The following ENTPD4 variants were observed in gnomAD, a reference collection of about 807,000 sequenced individuals.
ENTPD4 encodes ectonucleoside triphosphate diphosphohydrolase 4.
In ENTPD4, 60 loss-of-function variants were observed where a neutral mutation model predicts 79.1. The observed-to-expected ratio is 0.76, with a 90% CI of 0.62 to 0.94. ENTPD4 has a LOEUF of 0.94. Ranked by LOEUF, ENTPD4 falls within the 40% of genes least tolerant of loss-of-function variation. ENTPD4 has a pLI of 0.00. For synonymous variants in ENTPD4, 276 were observed against 292.0 expected, an observed-to-expected ratio of 0.95 and a Z score of 0.56; for missense variants, 772 against 775.1, an observed-to-expected ratio of 1.00 and a Z score of 0.05.
intron 1 of ENTPD4, among the ~76,000 whole-genome samples, chr8:23,452,112 G>C (rs574489859): frequency 1.3e-5 from 2 of 152,204 alleles, no homozygotes; most frequent in African/African-American, 4.8e-5. Context: ...GGAGAGGTGG[G>C]ATGCAAGTGT....
intron 3 of ENTPD4, among the ~76,000 whole-genome samples, 173 bp downstream of exon 3, chr8:23,448,569 A>C (rs1800802701): frequency 6.6e-6 from 1 of 152,186 alleles, no homozygotes; most frequent in African/African-American, 2.4e-5. Context: ...CCCTCACCAC[A>C]CACAAAACCT....
intron 1 of ENTPD4, among the ~76,000 whole-genome samples, chr8:23,453,713 G>T (rs900951598): frequency 6.6e-6 from 1 of 152,140 alleles, no homozygotes; most frequent in South Asian, 2.1e-4. Context: ...AACCTTCTGG[G>T]GGTACTGGGG....
intron 12 of ENTPD4, 72 bp downstream of exon 12, chr8:23,434,245 A>G: frequency 6.4e-7 from 1 of 1,574,688 alleles, no homozygotes; most frequent in Non-Finnish European, 8.7e-7. Flanking sequence ...GCCACAGACC[A>G]CAGCTGCCAT....
intron 11 of ENTPD4, 99 bp from the exon 12 acceptor site, chr8:23,434,577 T>C (rs1298046353): frequency 1.3e-6 from 2 of 1,545,334 alleles, no homozygotes; most frequent in East Asian, 4.6e-5. Flanking sequence ...TGGGCAGCCT[T>C]GGGGCAGGGG....
At chr8:23,449,837 C>G in intron 2 of ENTPD4, 56 bp downstream of exon 2, 1 of 1,437,152 alleles carries the variant, frequency 7.0e-7, no homozygotes, top group Non-Finnish European at 9.8e-7. Flanking sequence ...TCTCTCAAGA[C>G]CTGTTTTTGC....
intron 9 of ENTPD4, among the ~76,000 whole-genome samples, chr8:23,438,331 G>A (rs370181797): frequency 1.3e-5 from 2 of 152,344 alleles, no homozygotes; most frequent in East Asian, 3.9e-4. Context: ...CTCACAAGTT[G>A]TGTATTCCTC....
At chr8:23,450,843 A>C (rs1800846763) in intron 1 of ENTPD4, among the ~76,000 whole-genome samples, 1 of 152,086 alleles carries the variant, frequency 6.6e-6, no homozygotes, top group Non-Finnish European at 1.5e-5. Flanking sequence ...GTTGCACAGA[A>C]CCATGAGAAA....
At chr8:23,457,101 C>T (rs1333875943) in intron 1 of ENTPD4, among the ~76,000 whole-genome samples, 1 of 152,208 alleles carries the variant, frequency 6.6e-6, no homozygotes, top group Non-Finnish European at 1.5e-5. Context: ...CAATAAGCTC[C>T]ATTTTTCCAA....
At chr8:23,456,587 T>A (rs190020663) in intron 1 of ENTPD4, among the ~76,000 whole-genome samples, 1 of 152,346 alleles carries the variant, frequency 6.6e-6, no homozygotes, top group Admixed American at 6.5e-5. Flanking sequence ...AGATTCAACA[T>A]GCAACAACTA....
Position 23,447,883 on chromosome 8 carries a change from T to A in ENTPD4, c.209A>T (p.Tyr70Phe), listed in dbSNP as rs1463672569. Reference protein sequence around the residue: ...RLTRDKKFQRYLARVTDIEAT... With the variant: ...RLTRDKKFQRFLARVTDIEAT... ...TTCAATGTCGGTAACTCGTGCCAGGTACCTTGTATAGAAACACACGTATGC... is the reference window on the plus strand; with the variant it reads ...TTCAATGTCGGTAACTCGTGCCAGGAACCTTGTATAGAAACACACGTATGC... Residue 70 changes from tyrosine (Y) to phenylalanine (F), a missense_variant and splice_region_variant, in exon 4 of 13, where the codon TAC (tyrosine) becomes TTC (phenylalanine). By Grantham distance (22) the Tyr-to-Phe change is conservative (BLOSUM62 3). Transcript: ENST00000358689. The A allele has an allele frequency of 1.2e-6, 2 of 1,613,702 alleles. No individual in the cohort carries two copies. Among genetic ancestry groups the A allele is most frequent in the Admixed American group, 3.3e-5 (2 of 60,030 alleles).
intron 10 of ENTPD4, among the ~76,000 whole-genome samples, chr8:23,435,993 G>A (rs1328139524): frequency 6.6e-6 from 1 of 152,116 alleles, no homozygotes; most frequent in African/African-American, 2.4e-5. Context: ...TTAACTCCTC[G>A]AGGTGGCTAC....
chr8:23,436,741 G>A (rs1275894784), intron 10 of ENTPD4, among the ~76,000 whole-genome samples, 193 bp downstream of exon 10: 1 of 152,146 alleles, frequency 6.6e-6, no homozygotes, highest in Non-Finnish European at 1.5e-5. Flanking sequence ...AGAAGTCAGC[G>A]TACAGTACAT....
At chr8:23,450,941 C>T (rs780494496) in intron 1 of ENTPD4, among the ~76,000 whole-genome samples, 1 of 152,180 alleles carries the variant, frequency 6.6e-6, no homozygotes, top group African/African-American at 2.4e-5. Context: ...CTTGATCCCA[C>T]CAAGCTACAC....
chr8:23,448,904 T>G lies in ENTPD4; in HGVS notation c.44A>C (p.His15Pro), dbSNP rs1459495218. ...GISCLFPASWHFSISPVGCPR... is the reference protein window; with the variant it reads ...GISCLFPASWPFSISPVGCPR... ...ACACCCTACTGGAGATATGCTAAAA[T>G]GCCAAGAAGCAGGAAAAAGACAGGA... Residue 15 changes from histidine (H) to proline (P), a missense_variant, in exon 3 of 13, where the codon CAT (histidine) becomes CCT (proline). His to Pro is a moderately conservative substitution (Grantham distance 77). Transcript: ENST00000358689. The G allele has an allele frequency of 1.2e-6, 2 of 1,613,918 alleles. No homozygotes were observed. Among genetic ancestry groups the G allele is most frequent in the East Asian group, 4.5e-5 (2 of 44,886 alleles).
rs757677543 is a variant in ENTPD4, at chr8:23,444,517, T to C, written c.502A>G (p.Lys168Glu). The C allele has an allele frequency of 2.5e-6, 4 of 1,614,220 alleles. No individual in the cohort carries two copies. In the South Asian group the frequency reaches 3.3e-5, roughly 13 times the overall value. ...NFAAEHVPRA[K>E]HKETPLYILC... ...ATGTAGAGAGGTGTCTCTTTGTGTTTTGCCCGTGGCACATGCTCTGCAGCA... is the reference window on the plus strand; with the variant it reads ...ATGTAGAGAGGTGTCTCTTTGTGTTCTGCCCGTGGCACATGCTCTGCAGCA... The change falls in exon 5 of 13, where the codon AAA becomes GAA. Residue 168 changes from lysine to glutamate, a missense_variant. Lys to Glu is a moderately conservative substitution (Grantham distance 56). Transcript: ENST00000358689.
At chr8:23,448,616 C>G in intron 3 of ENTPD4, 126 bp downstream of exon 3, 1 of 740,774 alleles carries the variant, frequency 1.3e-6, no homozygotes, top group East Asian at 2.7e-5. Context: ...ACCTCTAGAA[C>G]AGTTAGAAAC....
At chr8:23,444,655 C>T (rs750779741) in intron 4 of ENTPD4, 49 bp from the exon 5 acceptor site, 2 of 1,545,470 alleles carry the variant, frequency 1.3e-6, no homozygotes, top group East Asian at 4.5e-5. Flanking sequence ...TTAGCTATAA[C>T]ATGTGATGTT....
rs1365250364 is a variant in ENTPD4, at chr8:23,432,281, T to C, written c.*645A>G. 1 of 985,314 alleles carries C rather than the reference T, an allele frequency of 1.0e-6. No individual in the cohort carries two copies. Among genetic ancestry groups the C allele is most frequent in the African/African-American group, 1.7e-5 (1 of 57,326 alleles). 61.0% of individuals were successfully genotyped at this position (985,314 alleles called of 1,614,324 possible). ...ATGAAAGCATCACTATTCAGTCCCC[T>C]CTCCACTGACAGAATGCATCTTTCC... On this transcript the variant is annotated 3_prime_UTR_variant, in exon 13 of 13. Coordinates refer to ENST00000358689, the MANE Select transcript of ENTPD4 (RefSeq NM_004901.5).
rs1409133989 is a variant in ENTPD4 at position 23,433,072 on chromosome 8, C to T, written c.1705G>A (p.Gly569Ser). ...GCCAGCAGCACCACCAGGAAGCAGCCAGAGAACAGGTAGTGGTTGTAGACA... is the reference window on the plus strand; with the variant it reads ...GCCAGCAGCACCACCAGGAAGCAGCTAGAGAACAGGTAGTGGTTGTAGACA... ...SFVYNHYLFS[G>S]CFLVVLLAIL... is the part of the protein sequence containing the mutation. The change falls in exon 13 of 13, where the codon GGC becomes AGC. Residue 569 changes from glycine (G) to serine (S), a missense_variant. Gly to Ser is a moderately conservative substitution (Grantham distance 56, BLOSUM62 0). Transcript: ENST00000358689. 6.2e-7 allele frequency: 1 copy of T among 1,614,152 alleles called. No individual in the cohort carries two copies. The highest frequency in any genetic ancestry group is 2.2e-5 in the East Asian group (1 of 44,852).
Sources: allele counts gnomAD v4.1 joint callset (sites outside exome capture counted in the v4.1 genomes callset), GRCh38; gene constraint gnomAD v4.1.1; transcripts MANE v1.5; gene names NCBI Gene and HGNC (gene_info 2026-07-23, HGNC 2026-07-21).